The following ZBED6 variants were observed in gnomAD, a reference collection of about 807,000 sequenced individuals.
ZBED6 encodes zinc finger BED-type containing 6.
In ZBED6, 40 loss-of-function variants were observed where a neutral mutation model predicts 58.4. The ratio of observed to expected loss-of-function variants is 0.68; its 90% CI spans 0.53 to 0.89. The LOEUF (loss-of-function observed/expected upper bound fraction) is 0.89. Ranked by LOEUF, ZBED6 falls within the 40% of genes least tolerant of loss-of-function variation. ZBED6 has a pLI of 0.00. For synonymous variants in ZBED6, 439 were observed against 350.6 expected (o/e 1.25, Z -2.82); for missense variants, 1,057 against 1,003.9 (o/e 1.05, Z -0.71).
rs908687387 is a variant in ZBED6, at chr1:203,847,754, A to C, written c.*4245+67A>C. The C allele has an allele frequency of 1.9e-6, 3 of 1,552,622 alleles. No homozygotes were observed. In the South Asian group the frequency reaches 3.7e-5, roughly 19 times the overall value. On this transcript the variant is annotated intron_variant, in intron 12 of 16. Transcript: ENST00000550078. ...ATATTCCAGAGGAGTGTTCCGTGGG[A>C]TCTTCCTAGGAGTTGTTTGACAACC...
exon 12 of ZBED6, chr1:203,847,370 T>G: frequency 6.2e-7 from 1 of 1,613,882 alleles, no homozygotes; most frequent in Non-Finnish European, 8.5e-7. Context: ...TCTGAGGTCC[T>G]GGCTGAAAAA....
intron 11 of ZBED6, among the ~76,000 whole-genome samples, chr1:203,846,160 T>TG (rs35704322): frequency 0.12 from 15,510 of 131,834 alleles, 1,187 homozygotes; most frequent in Non-Finnish European, 0.17. Context: ...ATAATTTTTT[T>TG]GGGGGGGGGG....
intron 8 of ZBED6, among the ~76,000 whole-genome samples, 173 bp from the exon 9 acceptor site, chr1:203,833,618 G>GTTTTTTTTTTTTTTTTTTT (rs553171669): frequency 8.0e-6 from 1 of 124,832 alleles, no homozygotes; most frequent in Non-Finnish European, 1.7e-5. Context: ...ATAGGTTTGG[G>GTTTTTTTTTTTTTTTTTTT]TTTTTTTTTT....
chr1:203,823,521 A>C (rs1305076455), intron 3 of ZBED6, among the ~76,000 whole-genome samples: 1 of 152,258 alleles, frequency 6.6e-6, no homozygotes, highest in Admixed American at 6.5e-5. Flanking sequence ...TTGTACAAAC[A>C]GTCTAGGCAT....
chr1:203,813,974 T>C (rs1359648752), intron 1 of ZBED6, among the ~76,000 whole-genome samples: 1 of 150,826 alleles, frequency 6.6e-6, no homozygotes, highest in Non-Finnish European at 1.5e-5. Flanking sequence ...CATTCTTGTT[T>C]TTTTTTTTTG....
At chr1:203,853,746 G>A (rs1195086784) in exon 17 of ZBED6, 2 of 152,612 alleles carry the variant, frequency 1.3e-5, no homozygotes, top group Non-Finnish European at 2.9e-5. Flanking sequence ...GAAAGCCACA[G>A]GACTGCCCAT....
Position 203,851,017 on chromosome 1 carries a change from GCCTGACTCTCACTGAATTA to G in ZBED6, c.*4806-30_*4806-12del, listed in dbSNP as rs916867841. The G allele has an allele frequency of 5.0e-6, 8 of 1,606,376 alleles. No individual in the cohort carries two copies. In the Admixed American group the frequency reaches 1.0e-4, roughly 20 times the overall value. On this transcript the variant is annotated intron_variant, in intron 15 of 16. Coordinates refer to ENST00000550078, the Ensembl canonical transcript of ZBED6. ...AAAATGAATATGCTCAAATTAAAAA[GCCTGACTCTCACTGAATTA>G]CCTGACTCTTCCTTTTGTAGGCTGT... is the stretch of plus-strand genomic sequence containing the variant.
At chr1:203,824,226 C>A (rs927837874) in intron 3 of ZBED6, among the ~76,000 whole-genome samples, 1 of 150,652 alleles carries the variant, frequency 6.6e-6, no homozygotes, top group Non-Finnish European at 1.5e-5. Flanking sequence ...CGAGATTACA[C>A]CACTGTACTC....
chr1:203,833,541 A>G (rs976870766), intron 8 of ZBED6, among the ~76,000 whole-genome samples: 2 of 151,310 alleles, frequency 1.3e-5, no homozygotes, highest in Non-Finnish European at 2.9e-5. Flanking sequence ...TATTATCAAA[A>G]TAATAATAAT....
intron 2 of ZBED6, among the ~76,000 whole-genome samples, chr1:203,818,068 G>A (rs1392162065): frequency 6.6e-6 from 1 of 152,070 alleles, no homozygotes; most frequent in Non-Finnish European, 1.5e-5. Flanking sequence ...TAAATGATGA[G>A]TTTTGAGCAA....
intron 3 of ZBED6, among the ~76,000 whole-genome samples, chr1:203,820,368 G>A (rs1409371347): frequency 6.6e-6 from 1 of 151,998 alleles, no homozygotes; most frequent in African/African-American, 2.4e-5. Flanking sequence ...GGTAGCTATA[G>A]GGAAATTGTT....
intron 3 of ZBED6, among the ~76,000 whole-genome samples, chr1:203,823,544 C>T (rs1244823983): frequency 6.6e-6 from 1 of 152,216 alleles, no homozygotes; most frequent in Non-Finnish European, 1.5e-5. Flanking sequence ...TGAGCCTTCT[C>T]CCTTCCCCAC....
At chr1:203,804,589 A>C (rs1671615870) in intron 1 of ZBED6, among the ~76,000 whole-genome samples, 1 of 148,394 alleles carries the variant, frequency 6.7e-6, no homozygotes, top group Non-Finnish European at 1.5e-5. Flanking sequence ...CATTTTTATT[A>C]TTTTCAATTT....
At chr1:203,836,138 C>T (rs945629303) in intron 9 of ZBED6, among the ~76,000 whole-genome samples, 1 of 152,140 alleles carries the variant, frequency 6.6e-6, no homozygotes, top group Non-Finnish European at 1.5e-5. Flanking sequence ...ATCCCAGCTG[C>T]GTGGGCAGCT....
chr1:203,828,035 CTAAAT>C (rs146044176), intron 3 of ZBED6, among the ~76,000 whole-genome samples: 17,009 of 152,114 alleles, frequency 0.11, 1,312 homozygotes, highest in Admixed American at 0.24. Flanking sequence ...TCCTGCTTCT[CTAAAT>C]TAAGTGTAGA....
At chr1:203,850,077 T>C (rs759849256) in intron 14 of ZBED6, 51 bp downstream of exon 14, 2 of 1,564,484 alleles carry the variant, frequency 1.3e-6, no homozygotes, top group Non-Finnish European at 8.7e-7. Context: ...ATTACCAAAT[T>C]CAACCCAATT....
chr1:203,832,451 C>T (rs545192017), intron 8 of ZBED6, among the ~76,000 whole-genome samples: 2 of 152,164 alleles, frequency 1.3e-5, no homozygotes, highest in East Asian at 1.9e-4. Flanking sequence ...ACCTCCGCCT[C>T]CCAGGTTCAA....
intron 10 of ZBED6, 96 bp from the exon 11 acceptor site, chr1:203,840,210 A>T (rs1332807808): frequency 2.4e-6 from 3 of 1,233,212 alleles, no homozygotes; most frequent in Non-Finnish European, 3.5e-6. Context: ...AAGTTCTGGG[A>T]TTACAGGTGT....
intron 3 of ZBED6, among the ~76,000 whole-genome samples, chr1:203,824,490 A>C (rs1184655824): frequency 6.6e-6 from 1 of 152,090 alleles, no homozygotes; most frequent in Non-Finnish European, 1.5e-5. Flanking sequence ...CTACTTGCTA[A>C]AATTTATAAC....
Sources: allele counts gnomAD v4.1 joint callset (sites outside exome capture counted in the v4.1 genomes callset), GRCh38; gene constraint gnomAD v4.1.1; transcripts MANE v1.5; gene names NCBI Gene and HGNC (gene_info 2026-07-23, HGNC 2026-07-21).